The following EPS15 variants were observed in gnomAD, a reference collection of about 807,000 sequenced individuals.
EPS15 encodes epidermal growth factor receptor pathway substrate 15, also known as epidermal growth factor receptor substrate 15.
A neutral mutation model predicts 113.8 loss-of-function variants in EPS15; 72 were observed. That is an observed-to-expected ratio of 0.63 (90% CI 0.52 to 0.77). The LOEUF is 0.77. Among genes scored for constraint, EPS15 ranks in the 30% least tolerant of loss-of-function variants. The probability of loss-of-function intolerance (pLI) is 0.00; values close to 1 mark genes in which losing one functional copy is unlikely to be tolerated. For synonymous variants in EPS15, 344 were observed against 363.4 expected (o/e 0.95, Z 0.61); for missense variants, 1,048 against 1,045.8 (o/e 1.00, Z -0.03).
intron 1 of EPS15, among the ~76,000 whole-genome samples, chr1:51,506,021 G>A (rs933237532): frequency 6.6e-6 from 1 of 152,062 alleles, no homozygotes; most frequent in African/African-American, 2.4e-5. Flanking sequence ...CGAGTAGCTA[G>A]AATTACAGGT....
At chr1:51,446,101 C>A (rs1287952093) in intron 10 of EPS15, among the ~76,000 whole-genome samples, 2 of 152,132 alleles carry the variant, frequency 1.3e-5, no homozygotes, top group African/African-American at 4.8e-5. Context: ...ACCATGTGGC[C>A]CCACTTGTGA....
At chr1:51,405,469 G>T (rs141413029) in intron 16 of EPS15, among the ~76,000 whole-genome samples, 4,865 of 152,284 alleles carry the variant, frequency 0.032, 127 homozygotes, top group Non-Finnish European at 0.05. Flanking sequence ...GGCCGAGGCA[G>T]ATGGGTCACT....
intron 1 of EPS15, among the ~76,000 whole-genome samples, chr1:51,498,353 A>C (rs1557527208): frequency 6.6e-6 from 1 of 152,198 alleles, no homozygotes; most frequent in Non-Finnish European, 1.5e-5. Context: ...GGTTCAACTT[A>C]ACAATTTTTT....
intron 1 of EPS15, among the ~76,000 whole-genome samples, chr1:51,483,696 C>T (rs148608713): frequency 3.9e-5 from 6 of 151,972 alleles, no homozygotes; most frequent in East Asian, 1.9e-4. Context: ...ATCCCAGCTA[C>T]GTGGAAGGCT....
At chr1:51,503,357 T>C (rs2148554033) in intron 1 of EPS15, among the ~76,000 whole-genome samples, 1 of 152,302 alleles carries the variant, frequency 6.6e-6, no homozygotes, top group Middle Eastern at 3.4e-3. Context: ...CAAAGTAGGC[T>C]GGGCGCGGTG....
intron 20 of EPS15, among the ~76,000 whole-genome samples, chr1:51,396,023 A>G (rs948900250): frequency 2.0e-5 from 3 of 152,230 alleles, no homozygotes; most frequent in African/African-American, 7.2e-5. Flanking sequence ...CTCTTTATAA[A>G]AGAGAGTCCA....
intron 12 of EPS15, among the ~76,000 whole-genome samples, chr1:51,430,975 CAT>C (rs1305650413): frequency 1.6e-4 from 13 of 81,746 alleles, no homozygotes; most frequent in East Asian, 1.1e-3. Flanking sequence ...ACATTACTTA[CAT>C]ACACACACAC....
intron 1 of EPS15, among the ~76,000 whole-genome samples, chr1:51,511,214 G>A (rs1208498580): frequency 6.6e-6 from 1 of 151,394 alleles, no homozygotes; most frequent in African/African-American, 2.4e-5. Context: ...CAGTGATTTG[G>A]CCGGGCGCAG....
At chr1:51,393,438 G>C (rs1266071815) in intron 21 of EPS15, among the ~76,000 whole-genome samples, 1 of 152,226 alleles carries the variant, frequency 6.6e-6, no homozygotes, top group Middle Eastern at 3.2e-3. Flanking sequence ...TCGACCTCAA[G>C]TGATCTACCT....
intron 12 of EPS15, among the ~76,000 whole-genome samples, chr1:51,432,170 C>G (rs2148464067): frequency 6.6e-6 from 1 of 152,240 alleles, no homozygotes; most frequent in East Asian, 1.9e-4. Flanking sequence ...TATAATACAT[C>G]TCAATAATTA....
At chr1:51,446,511 T>C (rs778075677) in intron 10 of EPS15, among the ~76,000 whole-genome samples, 2 of 150,082 alleles carry the variant, frequency 1.3e-5, no homozygotes, top group Non-Finnish European at 3.0e-5. Flanking sequence ...TGGAGTGCAA[T>C]GGCGTGATCT....
chr1:51,381,226 T>C (rs760155378), intron 21 of EPS15, among the ~76,000 whole-genome samples: 13 of 152,228 alleles, frequency 8.5e-5, no homozygotes, highest in Non-Finnish European at 1.9e-4. Flanking sequence ...ACATATCTAA[T>C]GTTCTCCAAG....
intron 9 of EPS15, 21 bp downstream of exon 9, chr1:51,448,025 C>T: frequency 1.2e-6 from 2 of 1,611,048 alleles, no homozygotes; most frequent in Non-Finnish European, 1.7e-6. Flanking sequence ...GGATCAACCG[C>T]ACAGAGCCTG....
intron 1 of EPS15, among the ~76,000 whole-genome samples, chr1:51,507,393 T>C (rs1038637097): frequency 6.6e-6 from 1 of 152,214 alleles, no homozygotes. Context: ...CCAGGTGCAG[T>C]GGCTCACACC....
chr1:51,385,338 G>A (rs1647037652), intron 21 of EPS15, among the ~76,000 whole-genome samples: 1 of 152,070 alleles, frequency 6.6e-6, no homozygotes, highest in Non-Finnish European at 1.5e-5. Flanking sequence ...CTAATCATTA[G>A]GGAAATACAA....
At position 51,519,222 on chromosome 1, in the gene EPS15, C is replaced by T. The variant is rs140274886; in HGVS notation, c.10G>A (p.Ala4Thr). 62 of 1,413,492 alleles carry T rather than the reference C, an allele frequency of 4.4e-5. No homozygotes were observed. Among genetic ancestry groups the T allele is most frequent in the Middle Eastern group, 2.0e-4 (1 of 4,914 alleles). The allele number at this position is 1,413,492 out of a possible 1,614,324, so 87.6% of individuals were successfully genotyped here. A position where few individuals can be genotyped will look rare whatever the true frequency, so the allele number is the denominator to read the frequency against. Residue 4 changes from alanine (A) to threonine (T), a missense_variant, in exon 1 of 25, where the codon GCG becomes ACG. Physicochemically the swap from Ala to Thr is moderately conservative, Grantham distance 58. Transcript: ENST00000371733. MAA[A>T]AQLSLTQLSS... ...ACCTGTGTCAGAGAGAGCTGGGCCG[C>T]CGCAGCCATGGTGTTTCCATCATGC... is the stretch of plus-strand genomic sequence containing the variant.
chr1:51,424,151 CAGAAA>C (rs386631129), intron 12 of EPS15, among the ~76,000 whole-genome samples: 4,573 of 152,140 alleles, frequency 0.03, 75 homozygotes, highest in African/African-American at 0.05. Flanking sequence ...TATTGCTAAA[CAGAAA>C]ACTTAAAAAG....
At chr1:51,357,877 T>C (rs1199571029) in intron 24 of EPS15, among the ~76,000 whole-genome samples, 2 of 151,786 alleles carry the variant, frequency 1.3e-5, no homozygotes, top group Non-Finnish European at 2.9e-5. Context: ...GTAGCTGGAA[T>C]TACAAGCATG....
At chr1:51,480,652 T>C (rs544628485) in intron 2 of EPS15, among the ~76,000 whole-genome samples, 2 of 152,284 alleles carry the variant, frequency 1.3e-5, no homozygotes, top group Non-Finnish European at 2.9e-5. Flanking sequence ...TAGGTGGGAT[T>C]AGAGGCATGC....
Sources: allele counts gnomAD v4.1 joint callset (sites outside exome capture counted in the v4.1 genomes callset), GRCh38; gene constraint gnomAD v4.1.1; transcripts MANE v1.5; gene names NCBI Gene and HGNC (gene_info 2026-07-23, HGNC 2026-07-21).